The following FRY variants were observed in gnomAD, a reference collection of about 807,000 sequenced individuals.
FRY encodes FRY microtubule binding protein.
A neutral mutation model predicts 348.4 loss-of-function variants in FRY; 128 were observed. The ratio of observed to expected loss-of-function variants is 0.37; its 90% CI spans 0.32 to 0.43. The LOEUF is 0.43. FRY is among the 20% of genes least tolerant of loss of function. FRY has a pLI of 1.00. For missense variants in FRY, 2,736 were observed against 3,695.2 expected (o/e 0.74, Z 6.73); for synonymous variants, 1,370 against 1,374.7 (o/e 1.00, Z 0.08).
At chr13:32,064,426 C>T (rs1250222551) in intron 1 of FRY, among the ~76,000 whole-genome samples, 5 of 151,824 alleles carry the variant, frequency 3.3e-5, no homozygotes, top group African/African-American at 1.2e-4. Flanking sequence ...ATCTCTCCTG[C>T]AGCAGCCATT....
chr13:32,206,992 T>A (rs1884390396), intron 31 of FRY, among the ~76,000 whole-genome samples: 3 of 152,180 alleles, frequency 2.0e-5, no homozygotes, highest in African/African-American at 7.2e-5. Context: ...GTCTATGGCA[T>A]TTTTCTTTTC....
chr13:32,247,888 A>C (rs1886887532), intron 48 of FRY, among the ~76,000 whole-genome samples: 1 of 152,212 alleles, frequency 6.6e-6, no homozygotes, highest in Admixed American at 6.5e-5. Flanking sequence ...ATTTACAGGA[A>C]TATAGACTCC....
In FRY at chr13:32,173,385, A is replaced by G. The variant is rs1282174362; in HGVS notation, c.2170A>G (p.Ser724Gly). The G allele has an allele frequency of 6.2e-7, 1 of 1,612,032 alleles. No homozygotes were observed. The highest frequency in any genetic ancestry group is 1.7e-5 in the Admixed American group (1 of 60,024). ...RNSELIANGS[S>G]HRIQSERGPH... is the part of the protein sequence containing the mutation. ...ATAACAGCTCATCGCAAATGGCTCC[A>G]GTCACAGAATTCAGTCGGAACGAGG... is the stretch of plus-strand genomic sequence containing the variant. Residue 724 changes from serine to glycine, a missense_variant, in exon 19 of 61, where the codon AGT becomes GGT. By Grantham distance (56) the Ser-to-Gly change is moderately conservative (BLOSUM62 0). Transcript: ENST00000542859.
At chr13:32,131,348 A>G (rs1051934030) in intron 7 of FRY, among the ~76,000 whole-genome samples, 1 of 152,222 alleles carries the variant, frequency 6.6e-6, no homozygotes, top group Non-Finnish European at 1.5e-5. Context: ...CTGTGTTGAA[A>G]ATGGCCAAGC....
chr13:32,284,712 C>T (rs1414183905), intron 58 of FRY, among the ~76,000 whole-genome samples: 1 of 152,192 alleles, frequency 6.6e-6, no homozygotes, highest in Non-Finnish European at 1.5e-5. Flanking sequence ...TAGGAGATTT[C>T]ATCATTAGGC....
intron 59 of FRY, among the ~76,000 whole-genome samples, chr13:32,293,628 C>T (rs1022928633): frequency 6.6e-6 from 1 of 152,196 alleles, no homozygotes; most frequent in African/African-American, 2.4e-5. Context: ...TTTTGAGACA[C>T]TTAGAAGTGA....
At chr13:32,276,368 T>G in intron 56 of FRY, 96 bp from the exon 57 acceptor site, 1 of 775,526 alleles carries the variant, frequency 1.3e-6, no homozygotes, top group Non-Finnish European at 2.4e-6. Flanking sequence ...TTGTACCCCT[T>G]AACAGCACTT....
In FRY at chr13:32,298,860, C is replaced by T. The variant is rs1566206610; in HGVS notation, c.*3400C>T. ...AGCGTTCAGAGAGGACAGCCAAAAGCTCTGTGGGCCACGGCAGGACTTTGT... is the reference window on the plus strand; with the variant it reads ...AGCGTTCAGAGAGGACAGCCAAAAGTTCTGTGGGCCACGGCAGGACTTTGT... On this transcript the variant is annotated 3_prime_UTR_variant, in exon 61 of 61. Coordinates refer to ENST00000542859, the MANE Select transcript of FRY (RefSeq NM_023037.3). The T allele has an allele frequency of 6.6e-6, 1 of 152,226 alleles. No homozygotes were observed. The highest frequency in any genetic ancestry group is 1.5e-5 in the Non-Finnish European group (1 of 68,058). 9.4% of individuals were successfully genotyped at this position (152,226 alleles called of 1,614,324 possible). A position where few individuals can be genotyped will look rare whatever the true frequency, so the allele number is the denominator to read the frequency against.
chr13:32,199,959 G>A lies in FRY; in HGVS notation c.3747-1982G>A, dbSNP rs576021969. Among the ~76,000 whole-genome samples the A allele has an allele frequency of 3.9e-5, 6 of 152,232 alleles. No individual in the cohort carries two copies. In the South Asian group the frequency reaches 1.2e-3, roughly 32 times the overall value. On this transcript the variant is annotated intron_variant, in intron 29 of 60. Coordinates refer to ENST00000542859, the MANE Select transcript of FRY (RefSeq NM_023037.3). Reference sequence around the variant, plus strand: ...TATAGAGACTAAGTCCACAGTCAAGGGGCCTCATCTGGTGAGGGCCTTCTT... The same window carrying A: ...TATAGAGACTAAGTCCACAGTCAAGAGGCCTCATCTGGTGAGGGCCTTCTT...
At chr13:32,173,589 C>T in intron 19 of FRY, 40 bp downstream of exon 19, 1 of 1,435,800 alleles carries the variant, frequency 7.0e-7, no homozygotes, top group Non-Finnish European at 9.8e-7. Flanking sequence ...TTCTTACTTT[C>T]AACTCTTCTG....
intron 1 of FRY, among the ~76,000 whole-genome samples, chr13:32,066,480 C>G (rs981697620): frequency 1.6e-4 from 24 of 152,196 alleles, no homozygotes; most frequent in Non-Finnish European, 3.1e-4. Flanking sequence ...TACAAGAACT[C>G]TGACCAATAT....
intron 2 of FRY, among the ~76,000 whole-genome samples, chr13:32,090,249 G>A (rs1408662644): frequency 6.6e-6 from 1 of 151,354 alleles, no homozygotes; most frequent in Non-Finnish European, 1.5e-5. Context: ...TCGGGAGGCT[G>A]AGGCGGGAGA....
chr13:32,175,387 T>G lies in FRY; in HGVS notation c.2335-159T>G, dbSNP rs1026601947. 4.6e-5 allele frequency among the ~76,000 whole-genome samples: 7 copies of G among 152,316 alleles called. No individual in the cohort carries two copies. The South Asian group carries it at 6.2e-4, about 14-fold the overall frequency. ...GATGAAGCTCAGAAACACAGGAGTT[T>G]TACTCACTGCCTTCCACCCTCTGGG... On this transcript the variant is annotated intron_variant, in intron 19 of 60. Coordinates refer to ENST00000542859, the MANE Select transcript of FRY (RefSeq NM_023037.3).
chr13:32,283,168 G>A (rs1328013492), intron 58 of FRY, among the ~76,000 whole-genome samples: 2 of 151,090 alleles, frequency 1.3e-5, no homozygotes, highest in Non-Finnish European at 3.0e-5. Context: ...CAACAACAAC[G>A]AAAAAAACTT....
At chr13:32,112,622 T>C (rs2021946) in intron 3 of FRY, among the ~76,000 whole-genome samples, 26,346 of 152,252 alleles carry the variant, frequency 0.17, 2,740 homozygotes, top group East Asian at 0.24. Flanking sequence ...TATCCGTGAA[T>C]TGCAGATCAT....
chr13:32,101,667 A>C (rs763955360), intron 2 of FRY, among the ~76,000 whole-genome samples: 1 of 152,198 alleles, frequency 6.6e-6, no homozygotes, highest in Non-Finnish European at 1.5e-5. Flanking sequence ...TCCTTATGAC[A>C]GGTATGAGGT....
intron 1 of FRY, among the ~76,000 whole-genome samples, chr13:32,064,278 C>G (rs532928347): frequency 4.6e-5 from 7 of 151,736 alleles, no homozygotes; most frequent in African/African-American, 1.7e-4. Flanking sequence ...ATTCCTACAA[C>G]CCCTCTGCCC....
intron 3 of FRY, among the ~76,000 whole-genome samples, chr13:32,105,419 T>C (rs1445214035): frequency 1.3e-5 from 2 of 152,228 alleles, no homozygotes; most frequent in Non-Finnish European, 2.9e-5. Context: ...TTGTTCTTTA[T>C]CAATTACCAA....
At chr13:32,190,834 A>G (rs1883295609) in intron 28 of FRY, among the ~76,000 whole-genome samples, 1 of 152,186 alleles carries the variant, frequency 6.6e-6, no homozygotes, top group South Asian at 2.1e-4. Flanking sequence ...TCCTTTCAAG[A>G]CCAGAAATAG....
Sources: gnomAD v4.1 joint callset for allele counts (sites outside exome capture counted in the v4.1 genomes callset) on GRCh38, gnomAD v4.1.1 for gene constraint, MANE v1.5 for transcripts, NCBI Gene and HGNC (gene_info 2026-07-23, HGNC 2026-07-21) for gene names.